Variants in EVC2 observed in about 807,000 individuals in gnomAD.
The protein encoded by EVC2 is EvC ciliary complex subunit 2, also known as limbin.
EVC2 carries 148 observed loss-of-function variants against 149.3 expected under a neutral mutation model. The ratio of observed to expected loss-of-function variants is 0.99; its 90% CI spans 0.87 to 1.14. The LOEUF (loss-of-function observed/expected upper bound fraction) is 1.14. Ranked by LOEUF, EVC2 falls within the 50% of genes most tolerant of loss-of-function variation. EVC2 has a pLI of 0.00. For missense variants in EVC2, 1,854 were observed against 1,627.3 expected, an observed-to-expected ratio of 1.14 and a Z score of -2.40; for synonymous variants, 776 against 649.9, an observed-to-expected ratio of 1.19 and a Z score of -2.95.
chr4:5,623,129 T>C (rs1715846064), intron 13 of EVC2, 138 bp from the exon 14 acceptor site: 2 of 896,620 alleles, frequency 2.2e-6, no homozygotes, highest in Non-Finnish European at 3.3e-6. Flanking sequence ...GTTATTCTGG[T>C]TTTTTGTTTG....
intron 16 of EVC2, among the ~76,000 whole-genome samples, chr4:5,589,456 C>T (rs1230932431): frequency 3.3e-5 from 5 of 152,174 alleles, no homozygotes; most frequent in Non-Finnish European, 7.3e-5. Context: ...ACCCAGTAGA[C>T]ACCTCTGGAG....
intron 13 of EVC2, among the ~76,000 whole-genome samples, chr4:5,623,707 T>C (rs552771540): frequency 6.6e-5 from 10 of 152,180 alleles, no homozygotes; most frequent in Non-Finnish European, 1.3e-4. Flanking sequence ...GAACATGTAT[T>C]TGCCGAGTAG....
Position 5,670,997 on chromosome 4 carries a change from C to T in EVC2, c.871-5348G>A, listed in dbSNP as rs113411498. On this transcript the variant is annotated intron_variant, in intron 7 of 21. Coordinates refer to ENST00000344408, the MANE Select transcript of EVC2 (RefSeq NM_147127.5). This position sits in a 1 kb window ranked among gnomAD's most constrained non-coding sequence, Gnocchi z 5.2. ...ATCAACACCATCATGACACCATCAG[C>T]GGCAGCAACACCATTACCACTGTCA... 0.026 allele frequency among the ~76,000 whole-genome samples: 3,907 copies of T among 152,236 alleles called. 141 individuals carry two copies. The highest frequency in any genetic ancestry group is 0.087 in the African/African-American group (3,602 of 41,522).
intron 4 of EVC2, 125 bp from the exon 5 acceptor site, chr4:5,689,468 A>C: frequency 1.0e-6 from 1 of 959,576 alleles, no homozygotes; most frequent in Non-Finnish European, 1.6e-6. Flanking sequence ...GGTCTCGCAG[A>C]GGGCCTGGGA....
At chr4:5,655,612 G>A (rs1718467769) in intron 9 of EVC2, among the ~76,000 whole-genome samples, 1 of 152,100 alleles carries the variant, frequency 6.6e-6, no homozygotes, top group African/African-American at 2.4e-5. Flanking sequence ...ACCACCCAAG[G>A]GACAGGGTTT....
chr4:5,556,015 T>A (rs890852095), intron 21 of EVC2, among the ~76,000 whole-genome samples: 3 of 151,268 alleles, frequency 2.0e-5, no homozygotes, highest in African/African-American at 4.9e-5. Context: ...CCATCTCTAC[T>A]AAAAATACAA....
In EVC2 at chr4:5,640,422, G is replaced by A; in HGVS notation, c.1470+92C>T. 1 of 1,454,766 alleles carries A rather than the reference G, an allele frequency of 6.9e-7. No individual in the cohort carries two copies. The highest frequency in any genetic ancestry group is 9.6e-7 in the Non-Finnish European group (1 of 1,036,526). 90.1% of individuals were successfully genotyped at this position (1,454,766 alleles called of 1,614,324 possible). Reference sequence around the variant, plus strand: ...GATGGATGATGGGTAGACGGATGGAGGAGGCAAATGGACAGATGAGTGGGT... The same window carrying A: ...GATGGATGATGGGTAGACGGATGGAAGAGGCAAATGGACAGATGAGTGGGT... On this transcript the variant is annotated intron_variant, in intron 10 of 21. Coordinates refer to ENST00000344408, the MANE Select transcript of EVC2 (RefSeq NM_147127.5). The surrounding 1 kb of genome is among the most constrained non-coding windows in gnomAD (Gnocchi z 4.6).
At chr4:5,574,058 G>A (rs4688941) in intron 19 of EVC2, among the ~76,000 whole-genome samples, 43,176 of 152,202 alleles carry the variant, frequency 0.28, 7,704 homozygotes, top group East Asian at 0.86. Context: ...GCATCAGCGA[G>A]CACCTCTCTG....
intron 13 of EVC2, among the ~76,000 whole-genome samples, chr4:5,623,652 G>A (rs758268650): frequency 6.6e-6 from 1 of 151,970 alleles, no homozygotes; most frequent in Non-Finnish European, 1.5e-5. Flanking sequence ...GAAAGTTACT[G>A]TTTAAAAAAA....
chr4:5,622,792 T>C lies in EVC2; in HGVS notation c.2246A>G (p.Asp749Gly). 1 of 1,614,032 alleles carries C rather than the reference T, an allele frequency of 6.2e-7. No homozygotes were observed. Among genetic ancestry groups the C allele is most frequent in the Non-Finnish European group, 8.5e-7 (1 of 1,180,018 alleles). The change falls in exon 14 of 22, where the codon GAC becomes GGC. Residue 749 changes from aspartate (D) to glycine (G), a missense_variant. By Grantham distance (94) the Asp-to-Gly change is moderately conservative (BLOSUM62 -1). Coordinates refer to ENST00000344408, the MANE Select transcript of EVC2 (RefSeq NM_147127.5). This position sits in a 1 kb window ranked among gnomAD's most constrained non-coding sequence, Gnocchi z 5.8. ...LTLSLFEKAT[D>G]ELRRLQNSAM... ...TGAGTTCTGCAGGCGCCGCAGCTCGTCGGTGGCCTTTTCAAACAGCGAAAG... is the reference window on the plus strand; with the variant it reads ...TGAGTTCTGCAGGCGCCGCAGCTCGCCGGTGGCCTTTTCAAACAGCGAAAG...
In EVC2 at chr4:5,694,333, A is replaced by G. The variant is rs781096099; in HGVS notation, c.450+2T>C. 5 of 1,613,878 alleles carry G rather than the reference A, an allele frequency of 3.1e-6. No homozygotes were observed. The East Asian group carries it at 8.9e-5, about 29-fold the overall frequency. ...TGTTAAAGCATTGAACTTAATACTT[A>G]CCAGGCGGTGTGTTATAGGAGACTC... On this transcript the variant is annotated splice_donor_variant, in intron 3 of 21. Transcript: ENST00000344408. LOFTEE classifies it high-confidence loss of function.
intron 20 of EVC2, among the ~76,000 whole-genome samples, chr4:5,566,547 G>C (rs1487753988): frequency 2.0e-5 from 3 of 152,158 alleles, no homozygotes; most frequent in Non-Finnish European, 4.4e-5. Context: ...TGAAACCCAA[G>C]ACTCATAACT....
chr4:5,630,951 C>A (rs1307823142), intron 11 of EVC2, among the ~76,000 whole-genome samples: 1 of 152,214 alleles, frequency 6.6e-6, no homozygotes, highest in Non-Finnish European at 1.5e-5. Flanking sequence ...AGCCAAACAA[C>A]AAAGTGCATT....
chr4:5,565,126 G>A, intron 21 of EVC2, 132 bp downstream of exon 21: 1 of 814,962 alleles, frequency 1.2e-6, no homozygotes, highest in Non-Finnish European at 2.1e-6. Context: ...AAGATTTGTG[G>A]TCTTCAGGGT....
intron 16 of EVC2, among the ~76,000 whole-genome samples, chr4:5,600,153 G>T (rs952206234): frequency 3.3e-5 from 5 of 152,146 alleles, no homozygotes; most frequent in African/African-American, 1.2e-4. Flanking sequence ...TTAACTAGCT[G>T]TGTGACCAAG....
At chr4:5,607,418 T>C (rs73061781) in intron 16 of EVC2, among the ~76,000 whole-genome samples, 6,418 of 152,292 alleles carry the variant, frequency 0.042, 434 homozygotes, top group African/African-American at 0.14. Context: ...TTCTAAAATA[T>C]ATATGCCCTC....
intron 20 of EVC2, among the ~76,000 whole-genome samples, chr4:5,565,596 C>T (rs1722227828): frequency 6.6e-6 from 1 of 151,608 alleles, no homozygotes; most frequent in African/African-American, 2.4e-5. Flanking sequence ...TCGCTTGAAC[C>T]CAGGAGGCGG....
At chr4:5,612,835 T>A (rs1490473124) in intron 16 of EVC2, among the ~76,000 whole-genome samples, 5 of 136,224 alleles carry the variant, frequency 3.7e-5, no homozygotes, top group African/African-American at 1.4e-4. Flanking sequence ...GGCAGGAGAA[T>A]GGCGTGAACC....
intron 16 of EVC2, among the ~76,000 whole-genome samples, chr4:5,599,648 C>T (rs1490137808): frequency 2.0e-5 from 3 of 152,154 alleles, no homozygotes; most frequent in Non-Finnish European, 4.4e-5. Flanking sequence ...GTGCAGCACA[C>T]CAGCATGGCA....
Sources: allele counts gnomAD v4.1 joint callset (sites outside exome capture counted in the v4.1 genomes callset), GRCh38; gene constraint gnomAD v4.1.1; non-coding constraint Gnocchi (gnomAD v3.1); transcripts MANE v1.5; gene names NCBI Gene and HGNC (gene_info 2026-07-23, HGNC 2026-07-21).